The following INPP4B variants were observed in gnomAD, a reference collection of about 807,000 sequenced individuals.
The protein encoded by INPP4B is inositol polyphosphate 4-phosphatase type II.
A neutral mutation model predicts 122.5 loss-of-function variants in INPP4B; 55 were observed. The observed-to-expected ratio is 0.45, with a 90% confidence interval of 0.36 to 0.56. INPP4B has a LOEUF of 0.56. INPP4B is among the 20% of genes least tolerant of loss of function. The pLI is 0.00. For missense variants in INPP4B, 1,000 were observed against 1,097.7 expected (o/e 0.91, Z 1.26); for synonymous variants, 403 against 388.7 (o/e 1.04, Z -0.43).
At chr4:142,294,415 C>T (rs992284483) in intron 9 of INPP4B, among the ~76,000 whole-genome samples, 2 of 151,970 alleles carry the variant, frequency 1.3e-5, no homozygotes, top group Non-Finnish European at 1.5e-5. Context: ...GTGACTAGAC[C>T]TTCTCACTGA....
At chr4:142,560,448 T>C (rs61142249) in intron 2 of INPP4B, 36,811 of 152,150 alleles carry the variant, frequency 0.24, 5,576 homozygotes, top group East Asian at 0.77. Context: ...ATTAGGAGAA[T>C]TGACTCACAC....
chr4:142,656,469 T>A (rs1159088873), intron 2 of INPP4B, among the ~76,000 whole-genome samples: 2 of 152,156 alleles, frequency 1.3e-5, no homozygotes, highest in Non-Finnish European at 2.9e-5. Context: ...CCCTACCCCC[T>A]GTGGATCCTG....
intron 25 of INPP4B, among the ~76,000 whole-genome samples, chr4:142,063,725 C>A (rs1429434378): frequency 6.6e-6 from 1 of 152,120 alleles, no homozygotes; most frequent in Non-Finnish European, 1.5e-5. Flanking sequence ...GGATATTTTT[C>A]ATCTTCCTTT....
intron 21 of INPP4B, among the ~76,000 whole-genome samples, chr4:142,119,366 A>C (rs1795399648): frequency 1.3e-5 from 2 of 152,194 alleles, no homozygotes; most frequent in Admixed American, 1.3e-4. Context: ...TTGCGGCACT[A>C]TTCACAATAG....
chr4:142,750,399 T>C (rs990906136), intron 1 of INPP4B, among the ~76,000 whole-genome samples: 5 of 152,044 alleles, frequency 3.3e-5, no homozygotes, highest in African/African-American at 1.2e-4. Context: ...AACTGCCCCA[T>C]GAAAGAGGAA....
intron 3 of INPP4B, among the ~76,000 whole-genome samples, chr4:142,439,885 G>A (rs115825593): frequency 0.017 from 2,569 of 152,240 alleles, 78 homozygotes; most frequent in African/African-American, 0.059. Flanking sequence ...AGGTTTAAGT[G>A]CCACCTCATC....
chr4:142,232,924 T>C (rs1855037291), intron 12 of INPP4B, among the ~76,000 whole-genome samples: 1 of 152,110 alleles, frequency 6.6e-6, no homozygotes, highest in Admixed American at 6.6e-5. Context: ...CAGAGCAAAG[T>C]CCTAACTCTC....
chr4:142,442,558 G>C (rs1183954723), intron 3 of INPP4B, among the ~76,000 whole-genome samples: 1 of 151,984 alleles, frequency 6.6e-6, no homozygotes, highest in African/African-American at 2.4e-5. Context: ...TTGTCACATA[G>C]AAGGTACCAG....
chr4:142,306,098 A>G (rs1473726730), intron 8 of INPP4B, among the ~76,000 whole-genome samples: 1 of 152,188 alleles, frequency 6.6e-6, no homozygotes, highest in East Asian at 1.9e-4. Context: ...CTAATACACG[A>G]AAGAAAATGG....
intron 7 of INPP4B, among the ~76,000 whole-genome samples, chr4:142,358,989 T>C (rs528054072): frequency 6.6e-6 from 1 of 152,088 alleles, no homozygotes; most frequent in African/African-American, 2.4e-5. Flanking sequence ...TTTAGAGGGC[T>C]ATTCTGACCT....
chr4:142,555,956 T>C (rs1729080561), intron 2 of INPP4B, among the ~76,000 whole-genome samples: 1 of 152,148 alleles, frequency 6.6e-6, no homozygotes, highest in Non-Finnish European at 1.5e-5. Context: ...TATATACAGA[T>C]ATAGATTTAT....
chr4:142,206,120 T>C (rs1264151076), intron 14 of INPP4B, among the ~76,000 whole-genome samples: 1 of 152,146 alleles, frequency 6.6e-6, no homozygotes, highest in African/African-American at 2.4e-5. Flanking sequence ...AGAAATTTTA[T>C]GAATTTACAA....
intron 22 of INPP4B, among the ~76,000 whole-genome samples, chr4:142,108,576 C>T (rs1338527774): frequency 2.0e-5 from 3 of 152,276 alleles, no homozygotes; most frequent in East Asian, 3.9e-4. Context: ...CCATCCATTT[C>T]ACTCGTGGCA....
At chr4:142,840,677 A>T (rs1320015296) in intron 1 of INPP4B, among the ~76,000 whole-genome samples, 1 of 152,144 alleles carries the variant, frequency 6.6e-6, no homozygotes, top group Non-Finnish European at 1.5e-5. Context: ...AAATGAATAT[A>T]TTGCACTTAA....
intron 9 of INPP4B, among the ~76,000 whole-genome samples, chr4:142,282,873 G>A (rs529283614): frequency 1.3e-5 from 2 of 152,160 alleles, no homozygotes; most frequent in East Asian, 3.9e-4. Flanking sequence ...GAGAATCTTG[G>A]GGAACATCTT....
At chr4:142,699,108 G>T (rs1165950787) in intron 2 of INPP4B, among the ~76,000 whole-genome samples, 3 of 152,184 alleles carry the variant, frequency 2.0e-5, no homozygotes, top group Non-Finnish European at 4.4e-5. Context: ...AAGTGGTAGA[G>T]ACAGTGGTCA....
chr4:142,521,983 T>G (rs887427625), intron 2 of INPP4B, among the ~76,000 whole-genome samples: 1 of 152,124 alleles, frequency 6.6e-6, no homozygotes, highest in Non-Finnish European at 1.5e-5. Flanking sequence ...ACATTCTTCA[T>G]CCTAATATCT....
At chr4:142,720,855 A>C (rs766137885) in intron 2 of INPP4B, among the ~76,000 whole-genome samples, 2 of 116,022 alleles carry the variant, frequency 1.7e-5, no homozygotes, top group Non-Finnish European at 3.7e-5. Flanking sequence ...ATTTTTTGAG[A>C]CAGGGTCTTA....
At chr4:142,298,903 G>A (rs368644702) in intron 9 of INPP4B, among the ~76,000 whole-genome samples, 53 of 152,098 alleles carry the variant, frequency 3.5e-4, no homozygotes, top group African/African-American at 1.3e-3. Context: ...TTAGAAGATT[G>A]AGGCGAACAG....
Sources: gnomAD v4.1 joint callset for allele counts (sites outside exome capture counted in the v4.1 genomes callset) on GRCh38, gnomAD v4.1.1 for gene constraint, MANE v1.5 for transcripts, NCBI Gene and HGNC (gene_info 2026-07-23, HGNC 2026-07-21) for gene names.